EYS: variants seen among roughly 807,000 people sequenced by gnomAD.
EYS encodes the protein EGF-like photoreceptor maintenance factor, also known as protein eyes shut homolog.
EYS carries 250 observed loss-of-function variants against 282.1 expected under a neutral mutation model. The ratio of observed to expected loss-of-function variants is 0.89; its 90% confidence interval spans 0.80 to 0.98. The LOEUF (loss-of-function observed/expected upper bound fraction) is 0.98. Among genes scored for constraint, EYS ranks in the 50% least tolerant of loss-of-function variants. The pLI, the probability that EYS is intolerant of heterozygous loss-of-function variation, is 0.00. For synonymous variants in EYS, 1,355 were observed against 1,282.9 expected (o/e 1.06, Z -1.20); for missense variants, 4,016 against 3,709.0 (o/e 1.08, Z -2.15).
intron 30 of EYS, among the ~76,000 whole-genome samples, chr6:64,271,823 C>T (rs1254297802): frequency 1.3e-5 from 2 of 151,590 alleles, no homozygotes; most frequent in East Asian, 3.9e-4. Flanking sequence ...CTAAATATTC[C>T]CTATTCTTAT....
chr6:64,381,511 T>C (rs1482964030), intron 29 of EYS, among the ~76,000 whole-genome samples: 2 of 152,232 alleles, frequency 1.3e-5, no homozygotes, highest in African/African-American at 2.4e-5. Flanking sequence ...GATGTATTCA[T>C]GTTGATGTGT....
At chr6:63,965,049 A>G (rs777389213) in intron 35 of EYS, among the ~76,000 whole-genome samples, 5 of 152,222 alleles carry the variant, frequency 3.3e-5, no homozygotes, top group Admixed American at 1.3e-4. Context: ...CTCTTAAAAA[A>G]TTTAACACAG....
chr6:64,429,546 G>T (rs917264001), intron 28 of EYS, among the ~76,000 whole-genome samples: 3 of 152,128 alleles, frequency 2.0e-5, no homozygotes, highest in African/African-American at 7.2e-5. Context: ...AAGGAGAATC[G>T]CTTAAATCAC....
chr6:65,571,669 G>A (rs1764480886), intron 2 of EYS, among the ~76,000 whole-genome samples: 1 of 151,850 alleles, frequency 6.6e-6, no homozygotes. Context: ...ATGATCAGTT[G>A]CATTTCTAAA....
chr6:63,854,490 A>G (rs1484502112), intron 36 of EYS, among the ~76,000 whole-genome samples: 6 of 152,084 alleles, frequency 3.9e-5, no homozygotes, highest in Non-Finnish European at 7.4e-5. Flanking sequence ...GATTAGCACA[A>G]ATACCTAATG....
rs28639803 is a variant in EYS at position 64,823,026 on chromosome 6, C to T, written c.2993-204G>A. ...CAGATTACTAATTTAATGTGAATGA[C>T]AAAAACAAAGCACAAGCTTAATCTA... On this transcript the variant is annotated intron_variant, in intron 19 of 42. Transcript: ENST00000503581. Among the ~76,000 whole-genome samples, 4 of 151,952 alleles carry T rather than the reference C, an allele frequency of 2.6e-5. No homozygotes were observed. The South Asian group carries it at 8.3e-4, about 32-fold the overall frequency.
chr6:64,347,594 GA>G lies in EYS; in HGVS notation c.6079-40513del, dbSNP rs11377414. Among the ~76,000 whole-genome samples the G allele has an allele frequency of 4.2e-3, 633 of 149,972 alleles. 4 individuals are homozygous for G. Among genetic ancestry groups the G allele is most frequent in the African/African-American group, 0.014 (590 of 41,060 alleles). On this transcript the variant is annotated intron_variant, in intron 29 of 42. Transcript: ENST00000503581. ...ATGCATATGTTTGAAGATACGCAAA[GA>G]AAAAAAAACTCTTACTATAGGCACT...
intron 29 of EYS, among the ~76,000 whole-genome samples, chr6:64,317,127 C>T (rs377363267): frequency 6.7e-4 from 102 of 152,144 alleles, no homozygotes; most frequent in African/African-American, 2.4e-3. Context: ...AAAATCTAGG[C>T]AATACCATTC....
At chr6:65,144,008 C>A (rs547673190) in intron 12 of EYS, among the ~76,000 whole-genome samples, 2 of 152,042 alleles carry the variant, frequency 1.3e-5, no homozygotes, top group Admixed American at 1.3e-4. Context: ...TCCATATTGC[C>A]CAGTTAATAC....
chr6:65,437,993 C>G (rs758493542), intron 5 of EYS, among the ~76,000 whole-genome samples: 1 of 149,218 alleles, frequency 6.7e-6, no homozygotes, highest in Non-Finnish European at 1.5e-5. Context: ...TCTCCTAATG[C>G]TATCCCTCTC....
At chr6:64,664,092 G>C (rs1192059386) in intron 22 of EYS, among the ~76,000 whole-genome samples, 2 of 152,204 alleles carry the variant, frequency 1.3e-5, no homozygotes, top group Non-Finnish European at 2.9e-5. Flanking sequence ...AGTAGTGGTG[G>C]ACGGCGAGTG....
chr6:65,615,709 C>A (rs1324636776), intron 2 of EYS, among the ~76,000 whole-genome samples: 1 of 151,794 alleles, frequency 6.6e-6, no homozygotes, highest in Non-Finnish European at 1.5e-5. Context: ...CCAAGGCGGG[C>A]AGATCATGAG....
At chr6:64,775,520 G>A (rs950530777) in intron 22 of EYS, among the ~76,000 whole-genome samples, 3 of 151,888 alleles carry the variant, frequency 2.0e-5, no homozygotes, top group Admixed American at 6.6e-5. Flanking sequence ...TTATTGTTGG[G>A]AAGATTAAAT....
At chr6:65,143,418 C>T (rs1764399306) in intron 12 of EYS, among the ~76,000 whole-genome samples, 1 of 151,744 alleles carries the variant, frequency 6.6e-6, no homozygotes, top group Non-Finnish European at 1.5e-5. Context: ...AAAAAACCTC[C>T]TGTGATATCT....
chr6:64,850,784 A>T (rs2150041531), intron 19 of EYS, among the ~76,000 whole-genome samples: 1 of 152,184 alleles, frequency 6.6e-6, no homozygotes, highest in South Asian at 2.1e-4. Context: ...ATTAGTTCAA[A>T]AGTAATTAAG....
intron 2 of EYS, among the ~76,000 whole-genome samples, chr6:65,512,071 T>A (rs1196999167): frequency 1.3e-5 from 2 of 151,414 alleles, no homozygotes; most frequent in Non-Finnish European, 2.9e-5. Flanking sequence ...CAAAACCCAG[T>A]GGCTAACTCT....
At chr6:64,452,667 A>T (rs1775400595) in intron 26 of EYS, among the ~76,000 whole-genome samples, 1 of 152,186 alleles carries the variant, frequency 6.6e-6, no homozygotes, top group Admixed American at 6.5e-5. Flanking sequence ...AGAGATACAG[A>T]CCAATGGAAC....
At chr6:64,045,980 G>A (rs1050486315) in intron 33 of EYS, among the ~76,000 whole-genome samples, 13 of 133,134 alleles carry the variant, frequency 9.8e-5, no homozygotes, top group South Asian at 5.0e-4. Context: ...TCTATAATAC[G>A]TATGTATTAT....
chr6:64,740,029 G>C lies in EYS; in HGVS notation c.3443+73349C>G, dbSNP rs559891843. 2.1e-4 allele frequency among the ~76,000 whole-genome samples: 32 copies of C among 152,182 alleles called. 1 individual carries two copies. The South Asian group carries it at 4.6e-3, about 22-fold the overall frequency. ...AAATCAAACCAATCAAAAATCTGGT[G>C]GGGGGTGTATTTCTAGGGAGAGGTA... On this transcript the variant is annotated intron_variant, in intron 22 of 42. Coordinates refer to ENST00000503581, the MANE Select transcript of EYS (RefSeq NM_001142800.2).
Sources: allele counts gnomAD v4.1 joint callset (sites outside exome capture counted in the v4.1 genomes callset), GRCh38; gene constraint gnomAD v4.1.1; transcripts MANE v1.5; gene names NCBI Gene and HGNC (gene_info 2026-07-23, HGNC 2026-07-21).